The following SLC38A9 variants were observed in gnomAD, a reference collection of about 807,000 sequenced individuals.
The protein encoded by SLC38A9 is neutral amino acid transporter 9.
In SLC38A9, 48 loss-of-function variants were observed where a neutral mutation model predicts 62.3. That is an observed-to-expected ratio of 0.77 (90% CI 0.61 to 0.98). The LOEUF (loss-of-function observed/expected upper bound fraction) is 0.98. Among genes scored for constraint, SLC38A9 ranks in the 50% least tolerant of loss-of-function variants. SLC38A9 has a pLI of 0.00. For missense variants in SLC38A9, 541 were observed against 679.8 expected (o/e 0.80, Z 2.27); for synonymous variants, 204 against 227.7 (o/e 0.90, Z 0.94).
intron 3 of SLC38A9, among the ~76,000 whole-genome samples, chr5:55,687,065 G>GTTTTT (rs56912932): frequency 2.1e-3 from 260 of 125,560 alleles, no homozygotes; most frequent in Non-Finnish European, 2.6e-3. Context: ...CTCCAGCTTT[G>GTTTTT]TTTTTTTTTT....
chr5:55,627,244 T>G (rs1236074006), intron 15 of SLC38A9, among the ~76,000 whole-genome samples: 1 of 152,156 alleles, frequency 6.6e-6, no homozygotes, highest in Non-Finnish European at 1.5e-5. Context: ...AATCTCCCCT[T>G]CTTGTTCCTT....
intron 3 of SLC38A9, among the ~76,000 whole-genome samples, chr5:55,689,922 G>A (rs9686200): frequency 1.0e-3 from 156 of 152,132 alleles, no homozygotes; most frequent in African/African-American, 3.6e-3. Flanking sequence ...CTAGCTTCCA[G>A]GCAAGTAAAC....
intron 12 of SLC38A9, among the ~76,000 whole-genome samples, chr5:55,640,771 T>A (rs1745329771): frequency 6.6e-6 from 1 of 152,024 alleles, no homozygotes; most frequent in Non-Finnish European, 1.5e-5. Flanking sequence ...TCTTTAACAA[T>A]TGTCAAAACA....
At chr5:55,639,272 T>TTAAAAAAAAAAAA (rs1391586466) in intron 12 of SLC38A9, among the ~76,000 whole-genome samples, 86 of 54,636 alleles carry the variant, frequency 1.6e-3, no homozygotes, top group African/African-American at 5.8e-3. Flanking sequence ...AAACTCTGTC[T>TTAAAAAAAAAAAA]AAAAAAAAAA....
At chr5:55,666,794 G>A (rs1201089359) in intron 7 of SLC38A9, among the ~76,000 whole-genome samples, 3 of 143,340 alleles carry the variant, frequency 2.1e-5, no homozygotes, top group Non-Finnish European at 3.0e-5. Flanking sequence ...TTGGGAGGCC[G>A]AGGCGGATGG....
chr5:55,670,493 A>G (rs1434004829), intron 4 of SLC38A9, among the ~76,000 whole-genome samples: 2 of 152,246 alleles, frequency 1.3e-5, no homozygotes, highest in African/African-American at 4.8e-5. Flanking sequence ...TAAAAAAGCA[A>G]GAGTTTAAAA....
At chr5:55,633,617 A>ACACCAATGATCTATCTTTAGT in intron 14 of SLC38A9, 137 bp downstream of exon 14, 1 of 1,155,802 alleles carries the variant, frequency 8.7e-7, no homozygotes. Flanking sequence ...AGGGAAGAGG[A>ACACCAATGATCTATCTTTAGT]CACCAATGAT....
chr5:55,647,856 T>C (rs767885421), intron 11 of SLC38A9, among the ~76,000 whole-genome samples: 31 of 152,244 alleles, frequency 2.0e-4, no homozygotes, highest in Admixed American at 6.5e-4. Context: ...AACTAGTTTT[T>C]AACTGAATAG....
chr5:55,635,544 C>T lies in SLC38A9; in HGVS notation c.1281G>A (p.Gln427=). Residue 427 remains glutamine, a splice_region_variant and synonymous_variant, in exon 13 of 16, where the codon CAG becomes CAA. Coordinates refer to ENST00000396865, the MANE Select transcript of SLC38A9 (RefSeq NM_173514.4). ...SPPLSKDCIE[Q]NFLDNFPSSD... ...ACAGAGAGGGTACACGGTGCCTTAC[C>T]TGCTCAATACAATCTTTGGATAATG... The T allele has an allele frequency of 6.2e-7, 1 of 1,605,120 alleles. No homozygotes were observed.
chr5:55,690,937 C>A (rs1754644754), intron 3 of SLC38A9, among the ~76,000 whole-genome samples: 1 of 152,172 alleles, frequency 6.6e-6, no homozygotes, highest in African/African-American at 2.4e-5. Flanking sequence ...CTTCCTCTCT[C>A]CTAAGACCTT....
chr5:55,637,379 T>A (rs1217562940), intron 12 of SLC38A9, among the ~76,000 whole-genome samples: 1 of 152,232 alleles, frequency 6.6e-6, no homozygotes, highest in African/African-American at 2.4e-5. Context: ...TATATACTTA[T>A]CTCAAATTCA....
intron 10 of SLC38A9, among the ~76,000 whole-genome samples, chr5:55,651,246 A>ATTTTTTTTTTTTTTTTTT (rs1371252740): frequency 8.8e-6 from 1 of 114,100 alleles, no homozygotes; most frequent in African/African-American, 3.4e-5. Flanking sequence ...TCCTTTTGCC[A>ATTTTTTTTTTTTTTTTTT]TCTTTTTTTT....
chr5:55,698,641 T>C (rs1334201193), intron 2 of SLC38A9, among the ~76,000 whole-genome samples: 1 of 152,224 alleles, frequency 6.6e-6, no homozygotes, highest in African/African-American at 2.4e-5. Context: ...AGAAGTCTTC[T>C]TAAAATGGAC....
chr5:55,685,103 C>A (rs1315667066), intron 3 of SLC38A9, among the ~76,000 whole-genome samples: 1 of 152,200 alleles, frequency 6.6e-6, no homozygotes, highest in Non-Finnish European at 1.5e-5. Context: ...TGTCTTCAAG[C>A]ATATTTTTAA....
At chr5:55,675,808 C>G (rs1467112860) in intron 3 of SLC38A9, among the ~76,000 whole-genome samples, 3 of 152,034 alleles carry the variant, frequency 2.0e-5, no homozygotes, top group African/African-American at 7.2e-5. Context: ...TTATTTCTAC[C>G]TAACACCTTT....
intron 3 of SLC38A9, among the ~76,000 whole-genome samples, chr5:55,686,753 T>G (rs1014802971): frequency 6.6e-6 from 1 of 152,186 alleles, no homozygotes; most frequent in African/African-American, 2.4e-5. Flanking sequence ...AGTTTTAGGT[T>G]TTATATTTAA....
At chr5:55,633,691 T>C (rs546466700) in intron 14 of SLC38A9, 63 bp downstream of exon 14, 1 of 1,607,356 alleles carries the variant, frequency 6.2e-7, no homozygotes, top group Admixed American at 1.7e-5. Context: ...CACTTTAAAC[T>C]GACCTGCTTG....
chr5:55,641,816 G>A (rs1013496811), intron 12 of SLC38A9, among the ~76,000 whole-genome samples: 5 of 152,200 alleles, frequency 3.3e-5, no homozygotes, highest in African/African-American at 7.2e-5. Flanking sequence ...TAATTATCAC[G>A]TGCACTTGTT....
At chr5:55,704,736 T>G (rs1811469) in intron 2 of SLC38A9, among the ~76,000 whole-genome samples, 91,201 of 152,010 alleles carry the variant, frequency 0.6, 27,930 homozygotes, top group South Asian at 0.7. Flanking sequence ...TTACACACAT[T>G]GGGTAATTTG....
Sources: gnomAD v4.1 joint callset for allele counts (sites outside exome capture counted in the v4.1 genomes callset) on GRCh38, gnomAD v4.1.1 for gene constraint, MANE v1.5 for transcripts, NCBI Gene and HGNC (gene_info 2026-07-23, HGNC 2026-07-21) for gene names.